Variants in ZCWPW2 observed in about 807,000 individuals in gnomAD.
The protein encoded by ZCWPW2 is zinc finger CW-type and PWWP domain containing 2.
ZCWPW2 carries 45 observed loss-of-function variants against 46.6 expected under a neutral mutation model. The ratio of observed to expected loss-of-function variants is 0.96; its 90% CI spans 0.76 to 1.24. ZCWPW2 has a LOEUF of 1.24. ZCWPW2 is among the 50% of genes most tolerant of loss of function. ZCWPW2 has a pLI of 0.00. For missense variants in ZCWPW2, 429 were observed against 403.9 expected, an observed-to-expected ratio of 1.06 and a Z score of -0.53; for synonymous variants, 152 against 137.1, an observed-to-expected ratio of 1.11 and a Z score of -0.76.
intron 5 of ZCWPW2, among the ~76,000 whole-genome samples, chr3:28,488,774 C>T (rs1699695912): frequency 6.6e-6 from 1 of 152,114 alleles, no homozygotes. Context: ...ATCTACATTT[C>T]CTGTTAACTG....
intron 1 of ZCWPW2, among the ~76,000 whole-genome samples, chr3:28,377,546 G>A (rs538131519): frequency 1.3e-5 from 2 of 151,988 alleles, no homozygotes; most frequent in East Asian, 1.9e-4. Flanking sequence ...TCACATTAGG[G>A]CAACAAAATT....
intron 1 of ZCWPW2, among the ~76,000 whole-genome samples, chr3:28,366,954 A>G (rs976947936): frequency 5.9e-5 from 9 of 152,080 alleles, no homozygotes; most frequent in African/African-American, 2.2e-4. Flanking sequence ...GTATTCTCTG[A>G]TGGTAGTTTG....
chr3:28,424,777 G>C (rs1044057824), intron 3 of ZCWPW2, among the ~76,000 whole-genome samples: 1 of 152,150 alleles, frequency 6.6e-6, no homozygotes, highest in African/African-American at 2.4e-5. Flanking sequence ...CTTTTCTGAA[G>C]ATCAAATGTG....
At chr3:28,462,878 G>A (rs1033364288) in intron 4 of ZCWPW2, among the ~76,000 whole-genome samples, 5 of 152,262 alleles carry the variant, frequency 3.3e-5, no homozygotes, top group Non-Finnish European at 5.9e-5. Flanking sequence ...TTATTGAAAA[G>A]AGACATTCAA....
At chr3:28,485,369 T>C (rs901075956) in intron 5 of ZCWPW2, among the ~76,000 whole-genome samples, 1 of 152,186 alleles carries the variant, frequency 6.6e-6, no homozygotes, top group Non-Finnish European at 1.5e-5. Flanking sequence ...AGGATGTGTA[T>C]TCTGCTGTTG....
intron 4 of ZCWPW2, among the ~76,000 whole-genome samples, chr3:28,466,439 T>G (rs901689883): frequency 6.6e-6 from 1 of 152,210 alleles, no homozygotes; most frequent in Non-Finnish European, 1.5e-5. Flanking sequence ...TACACTGGTG[T>G]AAGCCTAAGA....
intron 1 of ZCWPW2, among the ~76,000 whole-genome samples, chr3:28,369,860 G>A (rs974959176): frequency 6.6e-6 from 1 of 152,174 alleles, no homozygotes; most frequent in Non-Finnish European, 1.5e-5. Flanking sequence ...GCAATGGTGG[G>A]GGCCCCTCCC....
intron 5 of ZCWPW2, among the ~76,000 whole-genome samples, chr3:28,486,175 T>A (rs931912573): frequency 3.3e-5 from 5 of 152,148 alleles, no homozygotes; most frequent in Non-Finnish European, 4.4e-5. Flanking sequence ...CAAATAATTA[T>A]CCTGTTTCAG....
Position 28,435,136 on chromosome 3 carries a change from G to A in ZCWPW2, c.359G>A (p.Arg120His), listed in dbSNP as rs762239354. The A allele has an allele frequency of 8.8e-5, 142 of 1,611,772 alleles. 1 individual carries two copies. Among genetic ancestry groups the A allele is most frequent in the Non-Finnish European group, 1.1e-4 (131 of 1,179,566 alleles). The change falls in exon 4 of 10, where the codon CGT becomes CAT. Residue 120 changes from arginine (R) to histidine (H), a missense_variant. Arg to His is a conservative substitution (Grantham distance 29). Coordinates refer to ENST00000383768, the MANE Select transcript of ZCWPW2 (RefSeq NM_001040432.4). Reference protein sequence around the residue: ...PSWPGILCPDRFKGKYVTYDP... With the variant: ...PSWPGILCPDHFKGKYVTYDP... ...TGGCCAGGAATACTTTGCCCTGACC[G>A]TTTTAAAGGGAAATATGTAACTTAT...
chr3:28,395,206 A>G (rs1377273791), intron 2 of ZCWPW2, among the ~76,000 whole-genome samples: 2 of 152,118 alleles, frequency 1.3e-5, no homozygotes, highest in African/African-American at 2.4e-5. Context: ...CAAAACCACA[A>G]TGAGATAACT....
intron 3 of ZCWPW2, among the ~76,000 whole-genome samples, chr3:28,414,269 G>C (rs567843769): frequency 6.7e-6 from 1 of 149,894 alleles, no homozygotes; most frequent in East Asian, 2.0e-4. Context: ...GTTTCTTCTA[G>C]TTTAGTCTTT....
At chr3:28,489,796 T>C (rs1341473971) in intron 5 of ZCWPW2, among the ~76,000 whole-genome samples, 1 of 152,090 alleles carries the variant, frequency 6.6e-6, no homozygotes, top group Non-Finnish European at 1.5e-5. Context: ...AAGTAGATTA[T>C]ATTATTTAAA....
At chr3:28,515,715 CTGTG>C (rs10539082) in intron 8 of ZCWPW2, 94 bp downstream of exon 8, 108,516 of 659,666 alleles carry the variant, frequency 0.16, 5,857 homozygotes, top group East Asian at 0.37. Context: ...AAAAGATTTC[CTGTG>C]TGTGTGTGTG....
intron 3 of ZCWPW2, among the ~76,000 whole-genome samples, chr3:28,432,048 G>C (rs2125759930): frequency 6.6e-6 from 1 of 152,210 alleles, no homozygotes; most frequent in South Asian, 2.1e-4. Flanking sequence ...AGCAGCATTG[G>C]GGTAACCACC....
In ZCWPW2 at chr3:28,365,579, G is replaced by A. The variant is rs1207023858; in HGVS notation, c.-134+16376G>A. On this transcript the variant is annotated intron_variant, in intron 1 of 9. Transcript: ENST00000383768. The stretch of plus-strand genomic sequence containing the variant: ...GGAGTATAGTTTGAAGTCAGGTAGC[G>A]TGATGCCTCCAGCTTTGTTCTTTTG... Among the ~76,000 whole-genome samples the A allele has an allele frequency of 1.4e-4, 20 of 140,992 alleles. 3 individuals carry two copies. Among genetic ancestry groups the A allele is most frequent in the South Asian group, 4.6e-4 (2 of 4,330 alleles). 92.5% of individuals were successfully genotyped at this position (140,992 alleles called of 152,430 possible).
intron 5 of ZCWPW2, among the ~76,000 whole-genome samples, chr3:28,483,138 T>A (rs78122013): frequency 3.3e-5 from 5 of 152,312 alleles, no homozygotes; most frequent in African/African-American, 1.2e-4. Context: ...TTTCGCCCTA[T>A]GATTCATTGT....
intron 4 of ZCWPW2, among the ~76,000 whole-genome samples, chr3:28,468,270 G>A (rs1698902745): frequency 1.3e-5 from 2 of 151,064 alleles, no homozygotes; most frequent in South Asian, 4.2e-4. Context: ...ATACAAAGAA[G>A]AGACAAAAGA....
intron 3 of ZCWPW2, chr3:28,428,235 T>C (rs1014129196): frequency 2.6e-5 from 4 of 152,350 alleles, no homozygotes; most frequent in African/African-American, 4.8e-5. Flanking sequence ...GACGCTACAA[T>C]TGACTTTCTG....
chr3:28,510,948 C>A, intron 6 of ZCWPW2: 1 of 410,756 alleles, frequency 2.4e-6, no homozygotes, highest in South Asian at 1.8e-5. Context: ...ACTCCATGGT[C>A]ACTAAGGGAA....
Sources: allele counts gnomAD v4.1 joint callset (sites outside exome capture counted in the v4.1 genomes callset), GRCh38; gene constraint gnomAD v4.1.1; transcripts MANE v1.5; gene names NCBI Gene and HGNC (gene_info 2026-07-23, HGNC 2026-07-21).